ANKRD28: variants seen among roughly 807,000 people sequenced by gnomAD.
ANKRD28 encodes serine/threonine-protein phosphatase 6 regulatory ankyrin repeat subunit A.
A neutral mutation model predicts 126.5 loss-of-function variants in ANKRD28; 44 were observed. The ratio of observed to expected loss-of-function variants is 0.35; its 90% CI spans 0.27 to 0.45. The LOEUF is 0.45. Ranked by LOEUF, ANKRD28 falls within the 20% of genes least tolerant of loss-of-function variation. The probability of loss-of-function intolerance (pLI) is 1.00; values close to 1 mark genes in which losing one functional copy is unlikely to be tolerated. For missense variants in ANKRD28, 1,110 were observed against 1,316.6 expected (o/e 0.84, Z 2.43); for synonymous variants, 442 against 468.5 (o/e 0.94, Z 0.73).
At chr3:15,709,605 T>A (rs746278204) in intron 13 of ANKRD28, 63 bp downstream of exon 13, 3 of 1,146,446 alleles carry the variant, frequency 2.6e-6, no homozygotes, top group Non-Finnish European at 3.8e-6. Context: ...AGAAGCCAGT[T>A]AGAAGGTCAA....
At chr3:15,849,053 T>C (rs1234183776) in intron 1 of ANKRD28, among the ~76,000 whole-genome samples, 2 of 152,104 alleles carry the variant, frequency 1.3e-5, no homozygotes, top group Admixed American at 6.5e-5. Context: ...ATAAACAATC[T>C]AAAAATAAGA....
chr3:15,764,661 A>G (rs987107408), intron 3 of ANKRD28, among the ~76,000 whole-genome samples: 3 of 152,158 alleles, frequency 2.0e-5, no homozygotes, highest in African/African-American at 7.2e-5. Context: ...ATCCAGTCCT[A>G]AACTGTTTCT....
chr3:15,794,328 T>TAAA (rs57325392), intron 2 of ANKRD28, among the ~76,000 whole-genome samples: 58 of 148,452 alleles, frequency 3.9e-4, no homozygotes, highest in South Asian at 1.1e-3. Flanking sequence ...AGTATTATAT[T>TAAA]AAAAAAAAAA....
Position 15,839,718 on chromosome 3 carries a change from A to G in ANKRD28, c.27+19659T>C, listed in dbSNP as rs545593345. 7.9e-5 allele frequency among the ~76,000 whole-genome samples: 12 copies of G among 152,362 alleles called. No individual in the cohort carries two copies. The South Asian group carries it at 2.5e-3, about 32-fold the overall frequency. On this transcript the variant is annotated intron_variant, in intron 1 of 27. Transcript: ENST00000399451. The surrounding 1 kb of genome is among the most constrained non-coding windows in gnomAD (Gnocchi z 4.3). ...CATTCATCATGACCAAGTGGGACTT[A>G]TCCCCCGAGGGATGCAAGGATGGTT...
At chr3:15,777,911 G>A (rs914110585) in intron 2 of ANKRD28, among the ~76,000 whole-genome samples, 4 of 75,464 alleles carry the variant, frequency 5.3e-5, no homozygotes, top group Admixed American at 2.7e-4. Flanking sequence ...CACCCTCTCC[G>A]CCCTAGCCCC....
intron 6 of ANKRD28, among the ~76,000 whole-genome samples, chr3:15,728,251 T>C (rs1479970728): frequency 6.6e-6 from 1 of 152,202 alleles, no homozygotes; most frequent in Non-Finnish European, 1.5e-5. Context: ...TGTATTGCTA[T>C]TGCACACTTA....
Position 15,797,588 on chromosome 3 carries a change from TAGTGTATCATTCC to T in ANKRD28, c.-1080_-1068del. On this transcript the variant is annotated 5_prime_UTR_variant, in exon 1 of 28. The change abolishes an upstream ATG in the 5' untranslated region. Transcript: ENST00000683139. ...AAAAAAAGGGGGGGGAAAAACATAG[TAGTGTATCATTCC>T]AGTGTTTCCTTTGATCTCCACATGA... is the stretch of plus-strand genomic sequence containing the variant. 1.0e-6 allele frequency: 1 copy of T among 985,086 alleles called. No homozygotes were observed. The highest frequency in any genetic ancestry group is 1.2e-6 in the Non-Finnish European group (1 of 829,838). 61.0% of individuals were successfully genotyped at this position (985,086 alleles called of 1,614,324 possible). A position where few individuals can be genotyped will look rare whatever the true frequency, so the allele number is the denominator to read the frequency against.
At chr3:15,850,202 A>ATATATATATATATATATATAT (rs1455598240) in intron 1 of ANKRD28, among the ~76,000 whole-genome samples, 9 of 55,098 alleles carry the variant, frequency 1.6e-4, no homozygotes, top group East Asian at 7.8e-4. Flanking sequence ...AAAAAAAAAA[A>ATATATATATATATATATATAT]AAATATATAT....
intron 17 of ANKRD28, among the ~76,000 whole-genome samples, chr3:15,692,839 T>A (rs1307563780): frequency 6.6e-6 from 1 of 152,230 alleles, no homozygotes; most frequent in African/African-American, 2.4e-5. Context: ...TTATTCATAA[T>A]AGCCAAGAGA....
chr3:15,791,274 T>C (rs2060010667), intron 2 of ANKRD28, among the ~76,000 whole-genome samples: 1 of 151,740 alleles, frequency 6.6e-6, no homozygotes, highest in Non-Finnish European at 1.5e-5. Flanking sequence ...TACTAAAATT[T>C]ATATGGAACC....
intron 4 of ANKRD28, 125 bp from the exon 5 acceptor site, chr3:15,737,358 T>A: frequency 1.3e-6 from 1 of 795,222 alleles, no homozygotes; most frequent in East Asian, 2.7e-5. Context: ...AAAGCTCTCA[T>A]AGAACTCACT....
At position 15,833,310 on chromosome 3, in the gene ANKRD28, C is replaced by T. The variant is rs1240593607; in HGVS notation, c.27+26067G>A. On this transcript the variant is annotated intron_variant, in intron 1 of 27. Coordinates refer to the ANKRD28 transcript ENST00000399451. The surrounding 1 kb of genome is among the most constrained non-coding windows in gnomAD (Gnocchi z 4.4). Reference sequence around the variant, plus strand: ...GAAAAGACTAGACTGGTGTAGCCTCCCATCCTACATCTTTCTCCTGTGCTG... The same window carrying T: ...GAAAAGACTAGACTGGTGTAGCCTCTCATCCTACATCTTTCTCCTGTGCTG... 6.6e-6 allele frequency among the ~76,000 whole-genome samples: 1 copy of T among 151,962 alleles called. No individual in the cohort carries two copies. Among genetic ancestry groups the T allele is most frequent in the African/African-American group, 2.4e-5 (1 of 41,390 alleles).
At chr3:15,841,341 A>G (rs1190991501) in intron 1 of ANKRD28, among the ~76,000 whole-genome samples, 1 of 152,238 alleles carries the variant, frequency 6.6e-6, no homozygotes, top group Admixed American at 6.5e-5. Context: ...AATATGGACA[A>G]ATGGGGTCAC....
intron 3 of ANKRD28, among the ~76,000 whole-genome samples, chr3:15,754,283 C>A (rs536089687): frequency 6.6e-6 from 1 of 152,184 alleles, no homozygotes; most frequent in East Asian, 1.9e-4. Flanking sequence ...CTTTGTCCAT[C>A]GTATCTTGCA....
At chr3:15,702,642 C>A (rs1398360187) in intron 14 of ANKRD28, among the ~76,000 whole-genome samples, 2 of 152,092 alleles carry the variant, frequency 1.3e-5, no homozygotes, top group Admixed American at 1.3e-4. Flanking sequence ...ACTCATGAAC[C>A]CTACTATTTT....
intron 3 of ANKRD28, among the ~76,000 whole-genome samples, chr3:15,761,461 T>C (rs534983799): frequency 6.6e-6 from 1 of 152,302 alleles, no homozygotes; most frequent in South Asian, 2.1e-4. Context: ...TAAAAGGCTG[T>C]TTTGATGGAT....
Position 15,839,475 on chromosome 3 carries a change from A to G in ANKRD28, c.27+19902T>C, listed in dbSNP as rs2061388197. The stretch of plus-strand genomic sequence containing the variant: ...CAGGAACACCAAACCAATGAAAACT[A>G]TAATCACATTTCAGAATCAATGTGG... On this transcript the variant is annotated intron_variant, in intron 1 of 27. Coordinates refer to the ANKRD28 transcript ENST00000399451. The surrounding 1 kb of genome is among the most constrained non-coding windows in gnomAD (Gnocchi z 4.3). Among the ~76,000 whole-genome samples, 1 of 152,208 alleles carries G rather than the reference A, an allele frequency of 6.6e-6. No homozygotes were observed.
intron 11 of ANKRD28, among the ~76,000 whole-genome samples, chr3:15,711,564 C>A (rs570785111): frequency 8.5e-5 from 13 of 152,272 alleles, no homozygotes; most frequent in African/African-American, 3.1e-4. Flanking sequence ...TTTATAGGAA[C>A]TGTTCAGAAC....
rs142058475 is a variant in ANKRD28 at position 15,763,874 on chromosome 3, T to C, written c.280+2360A>G. Among the ~76,000 whole-genome samples the C allele has an allele frequency of 2.6e-5, 4 of 152,344 alleles. No homozygotes were observed. The East Asian group carries it at 7.7e-4, about 29-fold the overall frequency. ...TTGAATTCATCCAAAATTGTATTTT[T>C]CCTTTGAAAAATAGCTACATGAGCT... On this transcript the variant is annotated intron_variant, in intron 3 of 27. Transcript: ENST00000683139.
Sources: gnomAD v4.1 joint callset for allele counts (sites outside exome capture counted in the v4.1 genomes callset) on GRCh38, gnomAD v4.1.1 for gene constraint, Gnocchi (gnomAD v3.1) non-coding constraint, MANE v1.5 for transcripts, NCBI Gene and HGNC (gene_info 2026-07-23, HGNC 2026-07-21) for gene names.